Variants in RBFOX1 observed in about 807,000 individuals in gnomAD.
RBFOX1 encodes RNA binding protein fox-1 homolog 1.
In RBFOX1, 8 loss-of-function variants were observed where a neutral mutation model predicts 57.7. The observed-to-expected ratio is 0.14, with a 90% confidence interval of 0.08 to 0.25. The LOEUF (loss-of-function observed/expected upper bound fraction) is 0.25. Among genes scored for constraint, RBFOX1 ranks in the 10% least tolerant of loss-of-function variants. The probability of loss-of-function intolerance (pLI) is 1.00; values close to 1 mark genes in which losing one functional copy is unlikely to be tolerated. For missense variants in RBFOX1, 611 were observed against 548.5 expected (o/e 1.11, Z -1.14); for synonymous variants, 326 against 222.4 (o/e 1.47, Z -4.15).
At chr16:6,688,035 A>G (rs2059692579) in intron 3 of RBFOX1, among the ~76,000 whole-genome samples, 1 of 152,226 alleles carries the variant, frequency 6.6e-6, no homozygotes, top group South Asian at 2.1e-4. Context: ...CACCTGTTGT[A>G]TTAGTCCATT....
At chr16:5,525,901 C>T (rs1391646724) in intron 2 of RBFOX1, among the ~76,000 whole-genome samples, 1 of 152,128 alleles carries the variant, frequency 6.6e-6, no homozygotes, top group African/African-American at 2.4e-5. Context: ...AATATAAAAA[C>T]ATCGAAGGCT....
intron 2 of RBFOX1, among the ~76,000 whole-genome samples, chr16:6,613,281 G>A (rs2098093873): frequency 6.6e-6 from 1 of 151,982 alleles, no homozygotes; most frequent in African/African-American, 2.4e-5. Flanking sequence ...TTTCAGGTTG[G>A]TTTGCAATAA....
chr16:7,288,449 C>G (rs2095693748), intron 4 of RBFOX1, among the ~76,000 whole-genome samples: 1 of 152,174 alleles, frequency 6.6e-6, no homozygotes, highest in Non-Finnish European at 1.5e-5. Context: ...AGTCACATCA[C>G]CTTGCTTATC....
chr16:7,636,142 G>GAGAT (rs1421613595), intron 11 of RBFOX1, among the ~76,000 whole-genome samples: 4 of 152,214 alleles, frequency 2.6e-5, no homozygotes, highest in Non-Finnish European at 5.9e-5. Context: ...CCTCCACAAG[G>GAGAT]AGATAGTAAA....
At chr16:5,497,914 C>T (rs562478769) in intron 2 of RBFOX1, among the ~76,000 whole-genome samples, 19 of 151,972 alleles carry the variant, frequency 1.3e-4, no homozygotes, top group Admixed American at 5.2e-4. Flanking sequence ...TTGGAGTGGA[C>T]GCATAAAAGA....
At chr16:7,703,305 C>T (rs1237033565) in intron 14 of RBFOX1, among the ~76,000 whole-genome samples, 1 of 152,156 alleles carries the variant, frequency 6.6e-6, no homozygotes, top group Non-Finnish European at 1.5e-5. Context: ...ACTCTGCAGC[C>T]CTTCTCTGTG....
intron 4 of RBFOX1, among the ~76,000 whole-genome samples, chr16:7,182,121 C>T (rs773114250): frequency 1.3e-5 from 2 of 152,094 alleles, no homozygotes; most frequent in Admixed American, 6.5e-5. Context: ...GTCAGTGATT[C>T]GTAGTTGTCT....
At chr16:6,573,350 G>T (rs891524013) in intron 2 of RBFOX1, among the ~76,000 whole-genome samples, 3 of 152,216 alleles carry the variant, frequency 2.0e-5, no homozygotes, top group Middle Eastern at 3.4e-3. Flanking sequence ...TCCTGCCCCG[G>T]ACTGTCTTTC....
chr16:6,476,187 C>G (rs1406438677), intron 2 of RBFOX1, among the ~76,000 whole-genome samples: 1 of 152,008 alleles, frequency 6.6e-6, no homozygotes, highest in Admixed American at 6.5e-5. Flanking sequence ...CAGGAAATGA[C>G]AAAGAAGAAA....
At chr16:5,538,927 A>G (rs1202526316) in intron 2 of RBFOX1, among the ~76,000 whole-genome samples, 4 of 140,748 alleles carry the variant, frequency 2.8e-5, no homozygotes, top group East Asian at 3.9e-4. Flanking sequence ...TCTTATATCT[A>G]GGGTAACTGC....
chr16:5,555,555 A>C (rs2045637021), intron 2 of RBFOX1, among the ~76,000 whole-genome samples: 1 of 151,304 alleles, frequency 6.6e-6, no homozygotes, highest in South Asian at 2.1e-4. Flanking sequence ...GGGGCCTTGC[A>C]ATTACTTTTA....
At chr16:7,137,844 A>G (rs1022125463) in intron 4 of RBFOX1, among the ~76,000 whole-genome samples, 42 of 152,224 alleles carry the variant, frequency 2.8e-4, no homozygotes, top group Non-Finnish European at 1.0e-4. Context: ...CAGGCTCACT[A>G]CATGTTTTGG....
At chr16:7,662,451 T>A (rs2068007097) in intron 12 of RBFOX1, among the ~76,000 whole-genome samples, 1 of 152,154 alleles carries the variant, frequency 6.6e-6, no homozygotes. Flanking sequence ...AATGACTCAA[T>A]CTCCTTCTGA....
At chr16:7,441,705 T>G (rs2098768630) in intron 4 of RBFOX1, among the ~76,000 whole-genome samples, 1 of 152,192 alleles carries the variant, frequency 6.6e-6, no homozygotes, top group Non-Finnish European at 1.5e-5. Context: ...TCTGGCATAT[T>G]GAGCAACATC....
chr16:5,609,892 C>T (rs991177111), intron 3 of RBFOX1, among the ~76,000 whole-genome samples: 1 of 152,074 alleles, frequency 6.6e-6, no homozygotes, highest in South Asian at 2.1e-4. Flanking sequence ...GGGTGGAAGA[C>T]AAAACCGACA....
At chr16:7,043,996 A>T (rs543907965) in intron 3 of RBFOX1, among the ~76,000 whole-genome samples, 3 of 152,278 alleles carry the variant, frequency 2.0e-5, no homozygotes, top group African/African-American at 7.2e-5. Context: ...CCTCCTATGC[A>T]CTGCAAGCAC....
Position 6,973,294 on chromosome 16 carries a change from T to G in RBFOX1, c.-15-78763T>G, listed in dbSNP as rs573252545. 8.5e-5 allele frequency among the ~76,000 whole-genome samples: 13 copies of G among 152,312 alleles called. No homozygotes were observed. In the South Asian group the frequency reaches 2.1e-3, roughly 24 times the overall value. ...GGAATCAAGTTGATGCATTTTCTTATGTGCCATGCAGACAAAATAAAGCTC... is the reference window on the plus strand; with the variant it reads ...GGAATCAAGTTGATGCATTTTCTTAGGTGCCATGCAGACAAAATAAAGCTC... On this transcript the variant is annotated intron_variant, in intron 3 of 15. Coordinates refer to ENST00000550418, the MANE Select transcript of RBFOX1 (RefSeq NM_018723.4).
chr16:6,551,666 T>C (rs2096991487), intron 2 of RBFOX1, among the ~76,000 whole-genome samples: 1 of 152,216 alleles, frequency 6.6e-6, no homozygotes, highest in African/African-American at 2.4e-5. Flanking sequence ...AATGTGTAGC[T>C]AATATAGCTA....
chr16:6,182,344 A>C (rs1179007824), intron 1 of RBFOX1, among the ~76,000 whole-genome samples: 1 of 152,166 alleles, frequency 6.6e-6, no homozygotes, highest in African/African-American at 2.4e-5. Flanking sequence ...AATTGACATA[A>C]ATAATACGAC....
Sources: gnomAD v4.1 joint callset for allele counts (sites outside exome capture counted in the v4.1 genomes callset) on GRCh38, gnomAD v4.1.1 for gene constraint, MANE v1.5 for transcripts, NCBI Gene and HGNC (gene_info 2026-07-23, HGNC 2026-07-21) for gene names.